MYT1: variants seen among roughly 807,000 people sequenced by gnomAD.
MYT1 encodes myelin transcription factor 1, also known as myelin transcription factor I.
In MYT1, 23 loss-of-function variants were observed where a neutral mutation model predicts 123.0. The observed-to-expected ratio is 0.19, with a 90% CI of 0.13 to 0.26. MYT1 has a LOEUF of 0.26. Ranked by LOEUF, MYT1 falls within the 10% of genes least tolerant of loss-of-function variation. The probability of loss-of-function intolerance (pLI) is 1.00; values close to 1 mark genes in which losing one functional copy is unlikely to be tolerated. For synonymous variants in MYT1, 518 were observed against 575.3 expected, an observed-to-expected ratio of 0.90 and a Z score of 1.43; for missense variants, 1,125 against 1,472.5, an observed-to-expected ratio of 0.76 and a Z score of 3.86.
At chr20:64,207,042 C>T (rs1439043663) in intron 6 of MYT1, among the ~76,000 whole-genome samples, 2 of 152,156 alleles carry the variant, frequency 1.3e-5, no homozygotes, top group Admixed American at 6.5e-5. Flanking sequence ...CACCACCACG[C>T]CCAGCTCATT....
chr20:64,228,124 T>C, intron 18 of MYT1, 153 bp downstream of exon 18: 1 of 713,144 alleles, frequency 1.4e-6, no homozygotes, highest in South Asian at 1.9e-5. Context: ...TTCATTTTTA[T>C]GGAAGCTCTC....
chr20:64,235,689 G>GGTGGGTGACACTGGGCTGGCC (rs1984502002), intron 19 of MYT1, among the ~76,000 whole-genome samples: 7 of 88,906 alleles, frequency 7.9e-5, no homozygotes, highest in African/African-American at 2.4e-4. Context: ...CTGGGCTGGT[G>GGTGGGTGACACTGGGCTGGCC]GTGGTGGGTG....
chr20:64,236,558 G>A lies in MYT1; in HGVS notation c.2901G>A (p.Leu967=). The change falls in exon 20 of 23, where the codon TTG becomes TTA. Residue 967 remains leucine (L), a synonymous_variant. Coordinates refer to ENST00000328439, the MANE Select transcript of MYT1 (RefSeq NM_004535.3). The part of the protein sequence containing the change: ...ANGSFLTHRS[L]SGCPRATFAG... ...GATATGTGGCCTCTGCTTCCAGTTT[G>A]TCAGGCTGTCCCAGAGCAACCTTTG... 6.2e-7 allele frequency: 1 copy of A among 1,613,388 alleles called. No individual in the cohort carries two copies. The highest frequency in any genetic ancestry group is 8.5e-7 in the Non-Finnish European group (1 of 1,179,656).
At position 64,237,595 on chromosome 20, in the gene MYT1, A is replaced by G. The variant is rs3003145; in HGVS notation, c.3093+205A>G. ...TCCGTGAAGTCACACTGTGAGTGCC[A>G]GTGGGCCGCCGGAGCTGGTTGTCCC... On this transcript the variant is annotated intron_variant, in intron 21 of 22. Coordinates refer to ENST00000328439, the MANE Select transcript of MYT1 (RefSeq NM_004535.3). Among the ~76,000 whole-genome samples, 32,653 of 152,208 alleles carry G rather than the reference A, an allele frequency of 0.21. 4,236 individuals carry two copies. Among genetic ancestry groups the G allele is most frequent in the African/African-American group, 0.36 (14,807 of 41,512 alleles).
chr20:64,203,527 C>T lies in MYT1; in HGVS notation c.87-1508C>T, dbSNP rs1195863192. On this transcript the variant is annotated intron_variant, in intron 4 of 22. Transcript: ENST00000328439. This position sits in a 1 kb window ranked among gnomAD's most constrained non-coding sequence, Gnocchi z 5.1. ...CTCTCTCCCTCTTCCTCCCTCTTCC[C>T]CTCCCTTCCCGTCTGGGTTCCCTCT... Among the ~76,000 whole-genome samples the T allele has an allele frequency of 3.3e-5, 5 of 152,180 alleles. No individual in the cohort carries two copies. Among genetic ancestry groups the T allele is most frequent in the African/African-American group, 1.2e-4 (5 of 41,524 alleles).
chr20:64,211,354 T>C lies in MYT1; in HGVS notation c.1426+14T>C, dbSNP rs764039556. The stretch of plus-strand genomic sequence containing the variant: ...TCCCCCCAGAGAGTGAGTAGCTCTG[T>C]GCAGCGTTAGCCCTAACTGTGAAGC... On this transcript the variant is annotated intron_variant, in intron 8 of 22. Transcript: ENST00000328439. The C allele has an allele frequency of 6.2e-7, 1 of 1,606,576 alleles. No individual in the cohort carries two copies. The highest frequency in any genetic ancestry group is 1.1e-5 in the South Asian group (1 of 89,966).
intron 8 of MYT1, among the ~76,000 whole-genome samples, chr20:64,211,555 A>C (rs1026519133): frequency 2.6e-5 from 4 of 152,168 alleles, no homozygotes; most frequent in Non-Finnish European, 4.4e-5. Context: ...CAACCAGCCC[A>C]TTTGTCTACC....
In MYT1 at chr20:64,182,904, A is replaced by G. The variant is rs564723609; in HGVS notation, c.-98-7159A>G. On this transcript the variant is annotated intron_variant, in intron 1 of 22. Coordinates refer to ENST00000328439, the MANE Select transcript of MYT1 (RefSeq NM_004535.3). ...GTTATTGGAATGTAATGTGCACATC[A>G]CAGAATTCACCTATTAAAAATATAC... Among the ~76,000 whole-genome samples the G allele has an allele frequency of 5.3e-5, 8 of 152,342 alleles. No homozygotes were observed. The East Asian group carries it at 1.5e-3, about 29-fold the overall frequency.
intron 13 of MYT1, among the ~76,000 whole-genome samples, chr20:64,220,442 A>G (rs1983967423): frequency 6.6e-6 from 1 of 152,238 alleles, no homozygotes; most frequent in African/African-American, 2.4e-5. Flanking sequence ...AGGATCGCCC[A>G]TGGTGGGCAG....
Position 64,212,176 on chromosome 20 carries a change from TG to T in MYT1, c.1517+43del, listed in dbSNP as rs752579118. Reference sequence around the variant, plus strand: ...AGCTGGGCCGTAGTGGGGGCCAGGGTGGGGGCCGTGGTGGGGGCCAGGGTGG... The same window carrying T: ...AGCTGGGCCGTAGTGGGGGCCAGGGTGGGGCCGTGGTGGGGGCCAGGGTGG... On this transcript the variant is annotated intron_variant, in intron 9 of 22. Coordinates refer to ENST00000328439, the MANE Select transcript of MYT1 (RefSeq NM_004535.3). The surrounding 1 kb of genome is among the most constrained non-coding windows in gnomAD (Gnocchi z 6.8). 2 of 824,512 alleles carry T rather than the reference TG, an allele frequency of 2.4e-6. No homozygotes were observed. Among genetic ancestry groups the T allele is most frequent in the South Asian group, 1.7e-5 (1 of 57,368 alleles). The allele number at this position is 824,512 out of a possible 1,614,324, so 51.1% of individuals were successfully genotyped here.
At chr20:64,238,256 T>A (rs1298935432) in intron 21 of MYT1, among the ~76,000 whole-genome samples, 2 of 152,144 alleles carry the variant, frequency 1.3e-5, no homozygotes, top group African/African-American at 4.8e-5. Context: ...AGTGACCAGG[T>A]CCCACAGAGA....
At chr20:64,220,356 C>A (rs753074551) in intron 13 of MYT1, among the ~76,000 whole-genome samples, 8 of 152,136 alleles carry the variant, frequency 5.3e-5, no homozygotes, top group Non-Finnish European at 8.8e-5. Context: ...GGGTTTTGAG[C>A]CTCCCACCAC....
In MYT1 at chr20:64,218,614, C is replaced by T. The variant is rs1294677819; in HGVS notation, c.1847-297C>T. On this transcript the variant is annotated intron_variant, in intron 11 of 22. Transcript: ENST00000328439. The surrounding 1 kb of genome is among the most constrained non-coding windows in gnomAD (Gnocchi z 4.0). ...GCCCAAATTTTCACTGAGCCAGAAA[C>T]AAGATTGTCTCCTCAGTCCCCTAGA... Among the ~76,000 whole-genome samples, 11 of 152,106 alleles carry T rather than the reference C, an allele frequency of 7.2e-5. No homozygotes were observed. Among genetic ancestry groups the T allele is most frequent in the Admixed American group, 7.2e-4 (11 of 15,274 alleles).
intron 19 of MYT1, 85 bp from the exon 20 acceptor site, chr20:64,236,470 C>A (rs1398198587): frequency 2.8e-6 from 3 of 1,080,208 alleles, no homozygotes; most frequent in East Asian, 2.4e-5. Flanking sequence ...GGTATGTGAC[C>A]CTGGGCTGGC....
chr20:64,181,284 AT>A (rs997755143), intron 1 of MYT1, among the ~76,000 whole-genome samples: 54 of 151,770 alleles, frequency 3.6e-4, no homozygotes, highest in African/African-American at 1.3e-3. Context: ...TTCTCGGAAA[AT>A]TTTTTTTATT....
At chr20:64,194,420 C>G (rs367589183) in intron 2 of MYT1, among the ~76,000 whole-genome samples, 1 of 152,376 alleles carries the variant, frequency 6.6e-6, no homozygotes, top group African/African-American at 2.4e-5. Context: ...TGAGCACTCC[C>G]TGCCTCCCTG....
At chr20:64,234,364 G>T (rs1423238349) in intron 19 of MYT1, among the ~76,000 whole-genome samples, 1 of 152,194 alleles carries the variant, frequency 6.6e-6, no homozygotes, top group Non-Finnish European at 1.5e-5. Flanking sequence ...TCAGACCCCA[G>T]AGGGAGCCCT....
rs564294359 is a variant in MYT1, at chr20:64,212,188, T to TG, written c.1517+55dup. 845 of 245,548 alleles carry TG rather than the reference T, an allele frequency of 3.4e-3. 110 individuals carry two copies. Among genetic ancestry groups the TG allele is most frequent in the South Asian group, 0.01 (254 of 24,754 alleles). The allele number at this position is 245,548 out of a possible 1,614,324, so 15.2% of individuals were successfully genotyped here. On this transcript the variant is annotated intron_variant, in intron 9 of 22. Coordinates refer to ENST00000328439, the MANE Select transcript of MYT1 (RefSeq NM_004535.3). This position sits in a 1 kb window ranked among gnomAD's most constrained non-coding sequence, Gnocchi z 6.8. ...GTGGGGGCCAGGGTGGGGGCCGTGG[T>TG]GGGGGCCAGGGTGGGGGCCGTGGTG...
Position 64,208,552 on chromosome 20 carries a change from T to C in MYT1, c.1291+65T>C. ...TTCACCCCTGCCCCAGGTGTGCAGA[T>C]GCAGGCTGAGAGCCCTTCTAGGACA... On this transcript the variant is annotated intron_variant, in intron 7 of 22. Transcript: ENST00000328439. The surrounding 1 kb of genome is among the most constrained non-coding windows in gnomAD (Gnocchi z 5.4). 1.2e-5 allele frequency: 18 copies of C among 1,513,824 alleles called. No homozygotes were observed. The highest frequency in any genetic ancestry group is 2.1e-5 in the Admixed American group (1 of 46,670). The allele number at this position is 1,513,824 out of a possible 1,614,324, so 93.8% of individuals were successfully genotyped here.
Sources: gnomAD v4.1 joint callset for allele counts (sites outside exome capture counted in the v4.1 genomes callset) on GRCh38, gnomAD v4.1.1 for gene constraint, Gnocchi (gnomAD v3.1) non-coding constraint, MANE v1.5 for transcripts, NCBI Gene and HGNC (gene_info 2026-07-23, HGNC 2026-07-21) for gene names.